Variants in NCOR1 observed in about 807,000 individuals in gnomAD.
NCOR1 encodes protein phosphatase 1, regulatory subunit 109.
NCOR1 carries 63 observed loss-of-function variants against 288.1 expected under a neutral mutation model. The observed-to-expected ratio is 0.22, with a 90% CI of 0.18 to 0.27. NCOR1 has a LOEUF of 0.27. NCOR1 is among the 10% of genes least tolerant of loss of function. The pLI is 1.00. For synonymous variants in NCOR1, 1,007 were observed against 1,065.9 expected (o/e 0.94, Z 1.08); for missense variants, 2,397 against 3,019.2 (o/e 0.79, Z 4.83).
intron 15 of NCOR1, among the ~76,000 whole-genome samples, chr17:16,124,519 A>G (rs1162878504): frequency 2.0e-5 from 3 of 152,198 alleles, no homozygotes; most frequent in East Asian, 3.8e-4. Flanking sequence ...CAATGTACAC[A>G]TTTCAAACTG....
intron 1 of NCOR1, among the ~76,000 whole-genome samples, chr17:16,211,999 C>T (rs567966249): frequency 1.2e-4 from 19 of 152,164 alleles, no homozygotes; most frequent in Admixed American, 7.2e-4. Context: ...TCTATAGGGC[C>T]GGGCACAGTG....
chr17:16,108,279 C>T, intron 19 of NCOR1: 1 of 336,108 alleles, frequency 3.0e-6, no homozygotes, highest in Non-Finnish European at 6.0e-6. Flanking sequence ...AAAACATTTA[C>T]CTTTCCATGA....
intron 37 of NCOR1, among the ~76,000 whole-genome samples, chr17:16,059,547 A>C (rs1436132481): frequency 6.6e-6 from 1 of 152,226 alleles, no homozygotes; most frequent in Non-Finnish European, 1.5e-5. Flanking sequence ...CACAGTTCCC[A>C]AGTAAACAGA....
At position 16,056,402 on chromosome 17, in the gene NCOR1, C is replaced by A. The variant is rs11657874; in HGVS notation, c.6392+1112G>T. On this transcript the variant is annotated intron_variant, in intron 40 of 45. Coordinates refer to ENST00000268712, the MANE Select transcript of NCOR1 (RefSeq NM_006311.4). ...ATCTCGGGTTCAAGTGATTCTTCCGCCCAGGTTCAAGCGATTCTTCTGCCT... is the reference window on the plus strand; with the variant it reads ...ATCTCGGGTTCAAGTGATTCTTCCGACCAGGTTCAAGCGATTCTTCTGCCT... Among the ~76,000 whole-genome samples, 989 of 146,450 alleles carry A rather than the reference C, an allele frequency of 6.8e-3. 5 individuals are homozygous for A. Among genetic ancestry groups the A allele is most frequent in the Non-Finnish European group, 0.011 (709 of 67,350 alleles).
chr17:16,110,361 A>C (rs957641154), intron 18 of NCOR1, among the ~76,000 whole-genome samples: 3 of 152,072 alleles, frequency 2.0e-5, no homozygotes, highest in East Asian at 1.9e-4. Context: ...CAAAAAAAAA[A>C]CAAAAAACAA....
In NCOR1 at chr17:16,101,530, T is replaced by A. The variant is rs762866050; in HGVS notation, c.2410A>T (p.Ser804Cys). ...TCACAAACAGAACCCTCTTCAGCAC[T>A]GTGCTCCTGCTGATCTACATCCATC... ...EQMDVDQQEH[S>C]AEEGSVCDPP... The change falls in exon 20 of 46, where the codon AGT (serine) becomes TGT (cysteine). Residue 804 changes from serine (S) to cysteine (C), a missense_variant. By Grantham distance (112) the Ser-to-Cys change is moderately radical. Transcript: ENST00000268712. 24 of 1,614,116 alleles carry A rather than the reference T, an allele frequency of 1.5e-5. No individual in the cohort carries two copies. The highest frequency in any genetic ancestry group is 1.9e-5 in the Non-Finnish European group (22 of 1,180,058).
Position 16,127,354 on chromosome 17 carries a change from T to C in NCOR1, c.1510-1148A>G, listed in dbSNP as rs568503568. 8.3e-5 allele frequency among the ~76,000 whole-genome samples: 12 copies of C among 144,352 alleles called. 2 individuals are homozygous for C. The highest frequency in any genetic ancestry group is 2.8e-4 in the African/African-American group (11 of 38,900). 94.7% of individuals were successfully genotyped at this position (144,352 alleles called of 152,430 possible). A position where few individuals can be genotyped will look rare whatever the true frequency, so the allele number is the denominator to read the frequency against. Reference sequence around the variant, plus strand: ...GTATATATACATGTATGTATATATGTATGTATATATACATGTATGTATATA... The same window carrying C: ...GTATATATACATGTATGTATATATGCATGTATATATACATGTATGTATATA... On this transcript the variant is annotated intron_variant, in intron 14 of 45. Coordinates refer to ENST00000268712, the MANE Select transcript of NCOR1 (RefSeq NM_006311.4).
At chr17:16,119,587 A>G in intron 16 of NCOR1, 102 bp from the exon 17 acceptor site, 1 of 740,946 alleles carries the variant, frequency 1.3e-6, no homozygotes, top group Admixed American at 2.8e-5. Context: ...ATAAAAGACT[A>G]TGTAAAAGCA....
intron 32 of NCOR1, among the ~76,000 whole-genome samples, chr17:16,067,320 GA>G (rs1193334857): frequency 1.3e-5 from 2 of 152,198 alleles, no homozygotes; most frequent in African/African-American, 4.8e-5. Context: ...TGGTTTCTCT[GA>G]AAACTAACAG....
intron 4 of NCOR1, among the ~76,000 whole-genome samples, chr17:16,167,520 T>C (rs777757803): frequency 9.9e-5 from 15 of 152,010 alleles, no homozygotes; most frequent in Middle Eastern, 3.4e-3. Context: ...GCAAAAGATA[T>C]AAAAGACATT....
chr17:16,109,224 A>G (rs1353189526), intron 18 of NCOR1, among the ~76,000 whole-genome samples: 3 of 152,058 alleles, frequency 2.0e-5, no homozygotes, highest in African/African-American at 7.2e-5. Flanking sequence ...CACTCCAGAT[A>G]ATGTTATCTA....
chr17:16,170,558 G>T (rs1052207883), intron 4 of NCOR1, among the ~76,000 whole-genome samples: 15 of 152,018 alleles, frequency 9.9e-5, no homozygotes, highest in Non-Finnish European at 2.1e-4. Context: ...ACATAGGCCC[G>T]GCACAGTGGC....
chr17:16,196,386 T>C (rs1255261580), intron 1 of NCOR1, among the ~76,000 whole-genome samples: 1 of 152,080 alleles, frequency 6.6e-6, no homozygotes, highest in Non-Finnish European at 1.5e-5. Context: ...ATAAAACTTA[T>C]AGGCTGGCCA....
At chr17:16,068,204 A>G (rs1286450338) in intron 31 of NCOR1, 83 bp from the exon 32 acceptor site, 1 of 1,119,894 alleles carries the variant, frequency 8.9e-7, no homozygotes, top group South Asian at 1.4e-5. Flanking sequence ...CCATTCAAAT[A>G]AAGACTATAT....
intron 1 of NCOR1, 68 bp from the exon 2 acceptor site, chr17:16,194,707 T>C: frequency 2.1e-6 from 1 of 481,622 alleles, no homozygotes; most frequent in South Asian, 3.7e-5. Flanking sequence ...TAATAAATTA[T>C]AACTATAGCT....
intron 19 of NCOR1, among the ~76,000 whole-genome samples, chr17:16,102,633 A>T (rs2067846713): frequency 6.6e-6 from 1 of 151,238 alleles, no homozygotes; most frequent in African/African-American, 2.4e-5. Flanking sequence ...TCGCTCTGTC[A>T]CCCAGGCTGG....
At chr17:16,098,527 G>T (rs1429963198) in intron 20 of NCOR1, 31 bp from the exon 21 acceptor site, 2 of 1,584,080 alleles carry the variant, frequency 1.3e-6, no homozygotes, top group Middle Eastern at 1.7e-4. Context: ...AAAGATAAAT[G>T]AATACATTTT....
At chr17:16,033,473 A>G (rs1972921873) in intron 45 of NCOR1, among the ~76,000 whole-genome samples, 1 of 152,218 alleles carries the variant, frequency 6.6e-6, no homozygotes, top group Non-Finnish European at 1.5e-5. Flanking sequence ...TAAGCTTTCA[A>G]ACTCAAAACA....
At chr17:16,208,211 T>TTTTA (rs2153609694) in intron 1 of NCOR1, among the ~76,000 whole-genome samples, 1 of 123,368 alleles carries the variant, frequency 8.1e-6, no homozygotes, top group South Asian at 2.8e-4. Context: ...CAGCTATTTT[T>TTTTA]TTTTTTTTTT....
Sources: allele counts gnomAD v4.1 joint callset (sites outside exome capture counted in the v4.1 genomes callset), GRCh38; gene constraint gnomAD v4.1.1; transcripts MANE v1.5; gene names NCBI Gene and HGNC (gene_info 2026-07-23, HGNC 2026-07-21).